The following HIVEP1 variants were observed in gnomAD, a reference collection of about 807,000 sequenced individuals.
The protein encoded by HIVEP1 is HIVEP zinc finger 1.
HIVEP1 carries 36 observed loss-of-function variants against 180.0 expected under a neutral mutation model. The ratio of observed to expected loss-of-function variants is 0.20; its 90% CI spans 0.15 to 0.26. The LOEUF is 0.26. Ranked by LOEUF, HIVEP1 falls within the 10% of genes least tolerant of loss-of-function variation. HIVEP1 has a pLI of 1.00. For missense variants in HIVEP1, 3,143 were observed against 3,268.7 expected, an observed-to-expected ratio of 0.96 and a Z score of 0.94; for synonymous variants, 1,239 against 1,239.0, an observed-to-expected ratio of 1.00 and a Z score of 0.00.
chr6:12,075,697 T>G (rs1228827486), intron 2 of HIVEP1, among the ~76,000 whole-genome samples: 1 of 152,120 alleles, frequency 6.6e-6, no homozygotes, highest in Admixed American at 6.5e-5. Flanking sequence ...AACTAACAGC[T>G]GGTAGCCAGT....
In HIVEP1 at chr6:12,135,898, G is replaced by GC; in HGVS notation, c.6487+7dup. Reference sequence around the variant, plus strand: ...ACAGGATACAGAAGAATCAGGTAAGGCTTTATACCATATTTTTCATAAATG... The same window carrying GC: ...ACAGGATACAGAAGAATCAGGTAAGGCCTTTATACCATATTTTTCATAAATG... On this transcript the variant is annotated splice_region_variant and intron_variant, in intron 7 of 8. Coordinates refer to ENST00000379388, the MANE Select transcript of HIVEP1 (RefSeq NM_002114.4). The GC allele has an allele frequency of 1.9e-6, 3 of 1,548,614 alleles. No homozygotes were observed. Among genetic ancestry groups the GC allele is most frequent in the Non-Finnish European group, 2.7e-6 (3 of 1,124,334 alleles).
chr6:12,028,518 G>C (rs1198152032), intron 2 of HIVEP1, among the ~76,000 whole-genome samples: 2 of 152,114 alleles, frequency 1.3e-5, no homozygotes, highest in Non-Finnish European at 2.9e-5. Context: ...ATCATGTTTT[G>C]ATGGAATTAA....
chr6:12,124,256 G>A lies in HIVEP1; in HGVS notation c.4461G>A (p.Gln1487=), dbSNP rs1472271050. Residue 1487 remains glutamine, a synonymous_variant, in exon 4 of 9, where the codon CAG becomes CAA. Coordinates refer to ENST00000379388, the MANE Select transcript of HIVEP1 (RefSeq NM_002114.4). ...FSANTLHSQT[Q]VKDLQAETSN... is the part of the protein sequence containing the mutation. ...CAAATACTTTGCACTCTCAGACTCAGGTTAAGGATCTGCAGGCAGAAACAT... is the reference window on the plus strand; with the variant it reads ...CAAATACTTTGCACTCTCAGACTCAAGTTAAGGATCTGCAGGCAGAAACAT... The A allele has an allele frequency of 6.2e-7, 1 of 1,613,978 alleles. No individual in the cohort carries two copies. The highest frequency in any genetic ancestry group is 1.3e-5 in the African/African-American group (1 of 74,896).
In HIVEP1 at chr6:12,163,546, C is replaced by G. The variant is rs200957454; in HGVS notation, c.7242C>G (p.Ser2414=). ...IHVVPAGLTY[S]TFVPLQAGPV... is the part of the protein sequence containing the mutation. Reference sequence around the variant, plus strand: ...TGGTACCTGCTGGCCTCACATACTCCACGTTTGTGCCCCTTCAGGCTGGAC... The same window carrying G: ...TGGTACCTGCTGGCCTCACATACTCGACGTTTGTGCCCCTTCAGGCTGGAC... Residue 2414 remains serine (S), a synonymous_variant, in exon 9 of 9, where the codon TCC becomes TCG. Transcript: ENST00000379388. 8.7e-5 allele frequency: 141 copies of G among 1,614,064 alleles called. No individual in the cohort carries two copies. The highest frequency in any genetic ancestry group is 3.3e-4 in the Middle Eastern group (2 of 6,084).
intron 7 of HIVEP1, among the ~76,000 whole-genome samples, chr6:12,147,108 AAG>A (rs2113636256): frequency 6.6e-6 from 1 of 152,244 alleles, no homozygotes; most frequent in East Asian, 1.9e-4. Context: ...ACAGAAAAAC[AAG>A]AGAGTTCCAC....
At position 12,122,013 on chromosome 6, in the gene HIVEP1, G is replaced by A. The variant is rs747440028; in HGVS notation, c.2218G>A (p.Ala740Thr). The A allele has an allele frequency of 1.5e-5, 25 of 1,614,022 alleles. No individual in the cohort carries two copies. The highest frequency in any genetic ancestry group is 2.2e-5 in the South Asian group (2 of 91,080). ...ACCAGGTCAGATGCGCCCACCTTTG[G>A]CCACAAAAACACTTGAGGAGCGGAT... ...LLPGQMRPPL[A>T]TKTLEERISK... The change falls in exon 4 of 9, where the codon GCC (alanine) becomes ACC (threonine). Residue 740 changes from alanine (A) to threonine (T), a missense_variant. Physicochemically the swap from Ala to Thr is moderately conservative, Grantham distance 58. Transcript: ENST00000379388.
At chr6:12,107,624 G>A (rs1285409114) in intron 3 of HIVEP1, among the ~76,000 whole-genome samples, 2 of 152,160 alleles carry the variant, frequency 1.3e-5, no homozygotes, top group African/African-American at 4.8e-5. Context: ...TGGGTTCGTG[G>A]TCTCGCTGGC....
chr6:12,182,211 T>G, the HIVEP1 span, among the ~76,000 whole-genome samples: 1 of 152,194 alleles, frequency 6.6e-6, no homozygotes, highest in Admixed American at 6.5e-5. Context: ...TTCATGAACT[T>G]GTCATGTTGA....
chr6:12,011,872 T>G (rs985077882), upstream of HIVEP1: 2 of 13,336 alleles, frequency 1.5e-4, no homozygotes, highest in African/African-American at 3.5e-4. Context: ...GGACGCCCCC[T>G]CCCCCGCCCA....
chr6:12,207,947 G>A, the HIVEP1 span, among the ~76,000 whole-genome samples: 1 of 151,214 alleles, frequency 6.6e-6, no homozygotes, highest in Non-Finnish European at 1.5e-5. Flanking sequence ...CATGGATGTG[G>A]AAGAATCAGA....
chr6:12,058,539 G>T (rs1284698613), intron 2 of HIVEP1, among the ~76,000 whole-genome samples: 4 of 152,272 alleles, frequency 2.6e-5, no homozygotes, highest in African/African-American at 9.6e-5. Flanking sequence ...AGATATTAGA[G>T]ATATAAAAAT....
At position 12,015,683 on chromosome 6, in the gene HIVEP1, T is replaced by C; in HGVS notation, c.40+15T>C. ...AAATCTAAGAGGTAAAGCATTGCAT[T>C]AAGTAGAAGTAAGGCTTGCTGTAAA... On this transcript the variant is annotated intron_variant, in intron 2 of 8. Transcript: ENST00000379388. 6.2e-7 allele frequency: 1 copy of C among 1,605,472 alleles called. No individual in the cohort carries two copies. Among genetic ancestry groups the C allele is most frequent in the Non-Finnish European group, 8.5e-7 (1 of 1,173,756 alleles).
At chr6:12,155,259 T>C (rs1346804815) in intron 7 of HIVEP1, among the ~76,000 whole-genome samples, 3 of 152,232 alleles carry the variant, frequency 2.0e-5, no homozygotes, top group African/African-American at 7.2e-5. Context: ...TTCTTTTTTT[T>C]CTTCAACTTC....
chr6:12,031,023 G>A (rs182343471), intron 2 of HIVEP1, among the ~76,000 whole-genome samples: 54 of 148,310 alleles, frequency 3.6e-4, no homozygotes, highest in Admixed American at 5.5e-4. Context: ...GTTTGCTTTC[G>A]TTTGTTTGTT....
chr6:12,106,242 T>C (rs1470826884), intron 3 of HIVEP1, among the ~76,000 whole-genome samples: 1 of 152,100 alleles, frequency 6.6e-6, no homozygotes, highest in Non-Finnish European at 1.5e-5. Context: ...AGAGTGATTA[T>C]TTTCTCAAAT....
chr6:12,069,561 G>T (rs1367362260), intron 2 of HIVEP1, among the ~76,000 whole-genome samples: 1 of 135,780 alleles, frequency 7.4e-6, no homozygotes. Context: ...ATCACACTCT[G>T]GGGACTGTTC....
chr6:12,189,971 G>T, the HIVEP1 span, among the ~76,000 whole-genome samples: 1 of 152,178 alleles, frequency 6.6e-6, no homozygotes, highest in South Asian at 2.1e-4. Flanking sequence ...TTGTATTGTT[G>T]TGTTGTGTTG....
At chr6:12,193,189 A>G in the HIVEP1 span, among the ~76,000 whole-genome samples, 2 of 152,172 alleles carry the variant, frequency 1.3e-5, no homozygotes, top group African/African-American at 4.8e-5. Context: ...AAAGTTTTTC[A>G]TTATTATAAT....
chr6:12,047,602 G>T (rs1268242375), intron 2 of HIVEP1, among the ~76,000 whole-genome samples: 1 of 152,220 alleles, frequency 6.6e-6, no homozygotes, highest in Non-Finnish European at 1.5e-5. Context: ...CAGGTGTTCT[G>T]CCACAAACAC....
Sources: gnomAD v4.1 joint callset for allele counts (sites outside exome capture counted in the v4.1 genomes callset) on GRCh38, gnomAD v4.1.1 for gene constraint, MANE v1.5 for transcripts, NCBI Gene and HGNC (gene_info 2026-07-23, HGNC 2026-07-21) for gene names.